The following UBXN11 variants were observed in gnomAD, a reference collection of about 807,000 sequenced individuals.
The protein encoded by UBXN11 is UBX domain protein 11.
In UBXN11, 47 loss-of-function variants were observed where a neutral mutation model predicts 62.8. The ratio of observed to expected loss-of-function variants is 0.75; its 90% CI spans 0.59 to 0.95. UBXN11 has a LOEUF of 0.95. Ranked by LOEUF, UBXN11 falls within the 40% of genes least tolerant of loss-of-function variation. UBXN11 has a pLI of 0.00. For missense variants in UBXN11, 638 were observed against 661.7 expected, an observed-to-expected ratio of 0.96 and a Z score of 0.39; for synonymous variants, 294 against 267.0, an observed-to-expected ratio of 1.10 and a Z score of -0.99.
intron 1 of UBXN11, among the ~76,000 whole-genome samples, chr1:26,312,377 A>C (rs12084730): frequency 0.53 from 80,739 of 151,758 alleles, 22,738 homozygotes; most frequent in Non-Finnish European, 0.65. Context: ...CAGCGTCCTG[A>C]GTAGCTGAGA....
At position 26,297,409 on chromosome 1, in the gene UBXN11, C is replaced by T; in HGVS notation, c.355+18G>A. 6.5e-7 allele frequency: 1 copy of T among 1,528,952 alleles called. No individual in the cohort carries two copies. The highest frequency in any genetic ancestry group is 8.8e-7 in the Non-Finnish European group (1 of 1,138,276). The allele number at this position is 1,528,952 out of a possible 1,614,324, so 94.7% of individuals were successfully genotyped here. On this transcript the variant is annotated intron_variant, in intron 6 of 14. Transcript: ENST00000374222. ...TGCCTGACTGGGGGCGCAGGTCAGC[C>T]CTCCAAGAGCCCCCTACCTGGGTGT...
At chr1:26,291,023 C>T (rs2073250863) in intron 8 of UBXN11, among the ~76,000 whole-genome samples, 1 of 152,136 alleles carries the variant, frequency 6.6e-6, no homozygotes, top group African/African-American at 2.4e-5. Context: ...GTGAGCGATC[C>T]AGCCTGAGGC....
upstream of UBXN11, among the ~76,000 whole-genome samples, chr1:26,307,180 G>C (rs1425606442): frequency 6.6e-6 from 1 of 152,220 alleles, no homozygotes; most frequent in Non-Finnish European, 1.5e-5. Flanking sequence ...TGTGTTAAGA[G>C]TTGGGTAAGA....
intron 2 of UBXN11, 99 bp from the exon 3 acceptor site, chr1:26,301,821 A>C: frequency 2.0e-6 from 3 of 1,505,700 alleles, no homozygotes; most frequent in Non-Finnish European, 2.7e-6. Context: ...CCAAAGCTCA[A>C]AGAGATGGAA....
intron 8 of UBXN11, among the ~76,000 whole-genome samples, chr1:26,292,981 G>C (rs559143520): frequency 3.9e-5 from 6 of 152,198 alleles, no homozygotes; most frequent in Admixed American, 3.3e-4. Flanking sequence ...CAGGAGGCAG[G>C]ATTCTCATGT....
chr1:26,293,937 T>C (rs1366945841), intron 8 of UBXN11, among the ~76,000 whole-genome samples: 2 of 152,038 alleles, frequency 1.3e-5, no homozygotes, highest in African/African-American at 4.8e-5. Context: ...AATAAGGCCT[T>C]GCTACCTCTT....
Position 26,282,955 on chromosome 1 carries a change from A to G in UBXN11, c.1078-18T>C. The G allele has an allele frequency of 6.2e-7, 1 of 1,614,110 alleles. No homozygotes were observed. Among genetic ancestry groups the G allele is most frequent in the Non-Finnish European group, 8.5e-7 (1 of 1,180,010 alleles). On this transcript the variant is annotated intron_variant, in intron 12 of 14. Transcript: ENST00000374222. ...CAGCAGTTCTGGAAGGTATCAGTGG[A>G]GGGTGGACAGAGCCCTAGGCCCCAT...
intron 12 of UBXN11, 62 bp downstream of exon 12, chr1:26,284,080 C>A: frequency 6.7e-7 from 1 of 1,493,606 alleles, no homozygotes; most frequent in South Asian, 1.3e-5. Flanking sequence ...TTCTGGCAGG[C>A]TGGACCAGGG....
chr1:26,303,048 G>A, intron 1 of UBXN11, 130 bp from the exon 2 acceptor site: 1 of 600,968 alleles, frequency 1.7e-6, no homozygotes, highest in Non-Finnish European at 3.0e-6. Flanking sequence ...AGTACCTTTT[G>A]CCTCTTCCAC....
At chr1:26,301,076 A>G (rs1470884972) in intron 3 of UBXN11, 52 bp from the exon 4 acceptor site, 3 of 1,613,136 alleles carry the variant, frequency 1.9e-6, no homozygotes, top group Non-Finnish European at 1.7e-6. Context: ...CCCAGAGGAA[A>G]CTCAGGCCCT....
Position 26,297,862 on chromosome 1 carries a change from G to A in UBXN11, c.300+100C>T, listed in dbSNP as rs902599889. 48 of 1,302,702 alleles carry A rather than the reference G, an allele frequency of 3.7e-5. 1 individual carries two copies. Among genetic ancestry groups the A allele is most frequent in the Middle Eastern group, 2.3e-4 (1 of 4,390 alleles). 80.7% of individuals were successfully genotyped at this position (1,302,702 alleles called of 1,614,324 possible). On this transcript the variant is annotated intron_variant, in intron 5 of 14. Transcript: ENST00000374222. ...AACTGGGCAGGTCAGTGTGGTAGAC[G>A]GTTCTAGAATCACCCACCCTAGTCC...
chr1:26,315,547 G>A (rs2073783170), intron 1 of UBXN11, among the ~76,000 whole-genome samples: 2 of 152,204 alleles, frequency 1.3e-5, no homozygotes, highest in Non-Finnish European at 2.9e-5. Flanking sequence ...GGCAGGGATG[G>A]GGAAAGAGGG....
At chr1:26,318,120 G>A (rs755913694) in exon 1 of UBXN11, 1 of 1,530,538 alleles carries the variant, frequency 6.5e-7, no homozygotes, top group South Asian at 1.1e-5. Flanking sequence ...AAGTTGCTTG[G>A]CATGGAGGGA....
chr1:26,291,408 A>G (rs2073262788), intron 8 of UBXN11, among the ~76,000 whole-genome samples: 1 of 152,208 alleles, frequency 6.6e-6, no homozygotes, highest in Non-Finnish European at 1.5e-5. Context: ...CAAAAGAAGG[A>G]AGAGAACGCA....
intron 12 of UBXN11, among the ~76,000 whole-genome samples, chr1:26,283,939 C>G (rs1010538455): frequency 1.3e-5 from 2 of 152,220 alleles, no homozygotes; most frequent in African/African-American, 2.4e-5. Context: ...AGCCCTCTTA[C>G]AGCTAACCCA....
At chr1:26,292,297 C>T (rs568274242) in intron 8 of UBXN11, among the ~76,000 whole-genome samples, 4 of 152,118 alleles carry the variant, frequency 2.6e-5, no homozygotes, top group African/African-American at 9.7e-5. Flanking sequence ...GCAGCAGGAT[C>T]ACTGGCATCC....
intron 8 of UBXN11, among the ~76,000 whole-genome samples, chr1:26,289,699 G>C (rs909495296): frequency 6.6e-6 from 1 of 152,204 alleles, no homozygotes; most frequent in African/African-American, 2.4e-5. Context: ...AATGGCATGT[G>C]TAAGTATCAC....
chr1:26,285,002 G>A (rs1046951740), intron 10 of UBXN11: 3 of 1,000,208 alleles, frequency 3.0e-6, no homozygotes, highest in South Asian at 4.2e-5. Flanking sequence ...TCTAGAACAC[G>A]AAGCCTCATG....
Position 26,285,892 on chromosome 1 carries a change from C to T in UBXN11, c.705G>A (p.Leu235=). 1 of 1,613,464 alleles carries T rather than the reference C, an allele frequency of 6.2e-7. No individual in the cohort carries two copies. The highest frequency in any genetic ancestry group is 8.5e-7 in the Non-Finnish European group (1 of 1,179,468). ...ARLRTLEPIP[L]KLYRNGIMMF... is the part of the protein sequence containing the mutation. ...TCATGATGCCATTCCGGTAGAGCTT[C>T]AGCGGGATGGGCTCGAGGGTACGCA... Residue 235 remains leucine (L), a synonymous_variant, in exon 9 of 15, where the codon CTG becomes CTA. Transcript: ENST00000374222.
Sources: allele counts gnomAD v4.1 joint callset (sites outside exome capture counted in the v4.1 genomes callset), GRCh38; gene constraint gnomAD v4.1.1; transcripts MANE v1.5; gene names NCBI Gene and HGNC (gene_info 2026-07-23, HGNC 2026-07-21).